Variants in SH3GL2 observed in about 807,000 individuals in gnomAD.
SH3GL2 encodes endophilin-A1.
A neutral mutation model predicts 46.0 loss-of-function variants in SH3GL2; 24 were observed. The observed-to-expected ratio is 0.52, with a 90% confidence interval of 0.38 to 0.73. The LOEUF (loss-of-function observed/expected upper bound fraction) is 0.73. Ranked by LOEUF, SH3GL2 falls within the 30% of genes least tolerant of loss-of-function variation. SH3GL2 has a pLI of 0.00. For synonymous variants in SH3GL2, 196 were observed against 147.1 expected (o/e 1.33, Z -2.40); for missense variants, 413 against 424.2 (o/e 0.97, Z 0.23).
chr9:17,755,700 C>A, intron 2 of SH3GL2: 1 of 757,528 alleles, frequency 1.3e-6, no homozygotes, highest in Non-Finnish European at 1.6e-6. Flanking sequence ...GCTACAGCAT[C>A]TGGTATAATG....
intron 1 of SH3GL2, among the ~76,000 whole-genome samples, chr9:17,717,845 C>G (rs949907535): frequency 6.6e-6 from 1 of 152,076 alleles, no homozygotes; most frequent in African/African-American, 2.4e-5. Context: ...AGCAGCTGCT[C>G]CATACCCATT....
intron 1 of SH3GL2, among the ~76,000 whole-genome samples, chr9:17,710,841 G>T (rs1165172463): frequency 1.3e-5 from 2 of 151,884 alleles, no homozygotes; most frequent in Non-Finnish European, 1.5e-5. Flanking sequence ...TCTGCAAGGG[G>T]TATGTTCCAA....
rs559634687 is a variant in SH3GL2, at chr9:17,790,125, C to T, written c.624+575C>T. ...AGCCTAGAGCTGTGACATCCAAAGA[C>T]AGGAGCGTATGGGTGTCCCTTCGCT... On this transcript the variant is annotated intron_variant, in intron 6 of 8. Transcript: ENST00000380607. Among the ~76,000 whole-genome samples, 4 of 152,240 alleles carry T rather than the reference C, an allele frequency of 2.6e-5. No individual in the cohort carries two copies. The South Asian group carries it at 8.3e-4, about 32-fold the overall frequency.
chr9:17,736,153 C>T (rs1822328147), intron 1 of SH3GL2, among the ~76,000 whole-genome samples: 1 of 151,954 alleles, frequency 6.6e-6, no homozygotes, highest in African/African-American at 2.4e-5. Context: ...GACATTCAGC[C>T]CAAGATTATA....
chr9:17,645,802 A>G (rs1306207199), intron 1 of SH3GL2, among the ~76,000 whole-genome samples: 2 of 151,930 alleles, frequency 1.3e-5, no homozygotes, highest in African/African-American at 4.8e-5. Context: ...CTTGCACTTA[A>G]CATTTTTTCC....
rs529610557 is a variant in SH3GL2 at position 17,685,660 on chromosome 9, A to G, written c.46-61406A>G. ...GGAAGGGATCCAGTTTCAGCTTTCTACATATGGCTAGCCAGTTTTCCCAGC... is the reference window on the plus strand; with the variant it reads ...GGAAGGGATCCAGTTTCAGCTTTCTGCATATGGCTAGCCAGTTTTCCCAGC... On this transcript the variant is annotated intron_variant, in intron 1 of 8. Coordinates refer to ENST00000380607, the MANE Select transcript of SH3GL2 (RefSeq NM_003026.5). 6.3e-4 allele frequency among the ~76,000 whole-genome samples: 96 copies of G among 152,174 alleles called. 1 individual carries two copies. Among genetic ancestry groups the G allele is most frequent in the Non-Finnish European group, 1.1e-3 (72 of 67,978 alleles).
At position 17,600,527 on chromosome 9, in the gene SH3GL2, C is replaced by G. The variant is rs141798448; in HGVS notation, c.45+21240C>G. On this transcript the variant is annotated intron_variant, in intron 1 of 8. Coordinates refer to ENST00000380607, the MANE Select transcript of SH3GL2 (RefSeq NM_003026.5). ...GCTTTAATTATGGAGCATCCCTACA[C>G]ACACTGTAGACAGGGATCATTCAGC... is the stretch of plus-strand genomic sequence containing the variant. Among the ~76,000 whole-genome samples, 218 of 152,326 alleles carry G rather than the reference C, an allele frequency of 1.4e-3. 2 individuals carry two copies. Among genetic ancestry groups the G allele is most frequent in the African/African-American group, 5.1e-3 (210 of 41,578 alleles).
In SH3GL2 at chr9:17,786,479, G is replaced by A. The variant is rs1823960918; in HGVS notation, c.286G>A (p.Ala96Thr). 1 of 1,613,520 alleles carries A rather than the reference G, an allele frequency of 6.2e-7. No individual in the cohort carries two copies. Among genetic ancestry groups the A allele is most frequent in the Non-Finnish European group, 8.5e-7 (1 of 1,179,680 alleles). The change falls in exon 4 of 9, where the codon GCC becomes ACC. Residue 96 changes from alanine to threonine, a missense_variant. By Grantham distance (58) the Ala-to-Thr change is moderately conservative. Coordinates refer to ENST00000380607, the MANE Select transcript of SH3GL2 (RefSeq NM_003026.5). ...YPQAEALLAE[A>T]MLKFGRELGD... ...TCAGGCAGAGGCGCTGCTGGCAGAGGCCATGCTCAAATTTGGAAGAGAGCT... is the reference window on the plus strand; with the variant it reads ...TCAGGCAGAGGCGCTGCTGGCAGAGACCATGCTCAAATTTGGAAGAGAGCT...
rs141213866 is a variant in SH3GL2, at chr9:17,693,722, A to G, written c.46-53344A>G. 3.4e-4 allele frequency among the ~76,000 whole-genome samples: 52 copies of G among 152,210 alleles called. 1 individual carries two copies. Among genetic ancestry groups the G allele is most frequent in the African/African-American group, 1.3e-3 (52 of 41,552 alleles). ...TTTTCAAGAACCAAAGTTGCTAAGA[A>G]CTCCAGTTCTCTGCTGGATGAATCA... On this transcript the variant is annotated intron_variant, in intron 1 of 8. Transcript: ENST00000380607.
At chr9:17,621,274 T>C (rs1819132384) in intron 1 of SH3GL2, among the ~76,000 whole-genome samples, 1 of 152,236 alleles carries the variant, frequency 6.6e-6, no homozygotes, top group Non-Finnish European at 1.5e-5. Flanking sequence ...GGATTATTTC[T>C]TTGGAGGTAT....
intron 1 of SH3GL2, among the ~76,000 whole-genome samples, chr9:17,623,051 C>CTTTCCTTTCCTTT (rs1478196398): frequency 1.3e-4 from 12 of 94,980 alleles, no homozygotes; most frequent in African/African-American, 3.0e-4. Context: ...CTTCCCCTTC[C>CTTTCCTTTCCTTT]CCTTCCCCTT....
chr9:17,607,601 G>A (rs1178123035), intron 1 of SH3GL2, among the ~76,000 whole-genome samples: 1 of 152,162 alleles, frequency 6.6e-6, no homozygotes, highest in African/African-American at 2.4e-5. Context: ...TTAGCTGAAC[G>A]ATTAAGTAGA....
At chr9:17,769,781 G>T (rs994582167) in intron 3 of SH3GL2, among the ~76,000 whole-genome samples, 1 of 151,884 alleles carries the variant, frequency 6.6e-6, no homozygotes, top group Non-Finnish European at 1.5e-5. Flanking sequence ...TTCTCATATA[G>T]AACGTAATCT....
chr9:17,684,068 A>G (rs1018129616), intron 1 of SH3GL2, among the ~76,000 whole-genome samples: 3 of 152,160 alleles, frequency 2.0e-5, no homozygotes. Flanking sequence ...AAAGTGAGGT[A>G]AAACAACACA....
At chr9:17,610,260 A>C (rs764045857) in intron 1 of SH3GL2, among the ~76,000 whole-genome samples, 31 of 152,206 alleles carry the variant, frequency 2.0e-4, no homozygotes, top group Non-Finnish European at 3.7e-4. Flanking sequence ...ATTTTAATCA[A>C]TTACCCAGTT....
chr9:17,627,990 A>G (rs3808745), intron 1 of SH3GL2, among the ~76,000 whole-genome samples: 122,814 of 152,126 alleles, frequency 0.81, 49,832 homozygotes, highest in Middle Eastern at 0.89. Flanking sequence ...GAGTGGTTGT[A>G]ATGATGAGTT....
chr9:17,586,847 C>T (rs1427557218), intron 1 of SH3GL2, among the ~76,000 whole-genome samples: 7 of 152,166 alleles, frequency 4.6e-5, no homozygotes. Context: ...GGTGGGGACA[C>T]AGCCAAACCG....
At chr9:17,637,309 C>T (rs1453194468) in intron 1 of SH3GL2, among the ~76,000 whole-genome samples, 2 of 152,188 alleles carry the variant, frequency 1.3e-5, no homozygotes, top group African/African-American at 4.8e-5. Context: ...ATATGACCAT[C>T]AGATTCAGGC....
chr9:17,788,608 A>G (rs2131188824), intron 5 of SH3GL2, among the ~76,000 whole-genome samples: 1 of 152,230 alleles, frequency 6.6e-6, no homozygotes, highest in East Asian at 1.9e-4. Context: ...CTACCTGGTC[A>G]CTAGAGATGA....
Sources: allele counts gnomAD v4.1 joint callset (sites outside exome capture counted in the v4.1 genomes callset), GRCh38; gene constraint gnomAD v4.1.1; transcripts MANE v1.5; gene names NCBI Gene and HGNC (gene_info 2026-07-23, HGNC 2026-07-21).